Variants in CDKL5 observed in about 807,000 individuals in gnomAD.
CDKL5 encodes the protein cyclin dependent kinase like 5.
CDKL5 carries 8 observed loss-of-function variants against 61.7 expected under a neutral mutation model. The ratio of observed to expected loss-of-function variants is 0.13; its 90% CI spans 0.08 to 0.23. The LOEUF is 0.23. Among genes scored for constraint, CDKL5 ranks in the 10% least tolerant of loss-of-function variants. The probability of loss-of-function intolerance (pLI) is 1.00; values close to 1 mark genes in which losing one functional copy is unlikely to be tolerated. For missense variants in CDKL5, 440 were observed against 734.5 expected (o/e 0.60, Z 4.63); for synonymous variants, 275 against 272.3 (o/e 1.01, Z -0.10).
At chrX:18,610,216 A>T (rs1360590150) in intron 14 of CDKL5, among the ~76,000 whole-genome samples, 1 of 111,201 alleles carries the variant, frequency 9.0e-6, no homozygotes, top group Non-Finnish European at 1.9e-5. Context: ...CTCTCCAGCC[A>T]CTTTCTCCCC....
intron 3 of CDKL5, among the ~76,000 whole-genome samples, chrX:18,541,505 A>G (rs950300029): frequency 9.0e-6 from 1 of 111,004 alleles, no homozygotes; most frequent in African/African-American, 3.3e-5. Flanking sequence ...TTATTTTTCA[A>G]TTCATAAGGT....
rs1381451337 is a variant in CDKL5 at position 18,630,284 on chromosome X, C to T, written c.*1527C>T. 2 of 750,931 alleles carry T rather than the reference C, an allele frequency of 2.7e-6. No homozygotes were observed. Among genetic ancestry groups the T allele is most frequent in the East Asian group, 1.5e-4 (1 of 6,568 alleles). 61.9% of individuals were successfully genotyped at this position (750,931 alleles called of 1,213,427 possible). On this transcript the variant is annotated 3_prime_UTR_variant, in exon 18 of 18. Coordinates refer to ENST00000623535, the MANE Select transcript of CDKL5 (RefSeq NM_001323289.2). ...CCCAAGTATCATCAAACCCTTTGGCCATCAAGTGTTATCCTCCCATGCCTC... is the reference window on the plus strand; with the variant it reads ...CCCAAGTATCATCAAACCCTTTGGCTATCAAGTGTTATCCTCCCATGCCTC...
chrX:18,589,640 C>T (rs1925763399), intron 9 of CDKL5: 1 of 111,272 alleles, frequency 9.0e-6, no homozygotes, highest in Non-Finnish European at 1.9e-5. Flanking sequence ...ATTTATAATC[C>T]TTTATATACC....
chrX:18,445,234 C>T (rs765298565), intron 1 of CDKL5, among the ~76,000 whole-genome samples: 1 of 110,053 alleles, frequency 9.1e-6, no homozygotes, highest in African/African-American at 3.3e-5. Context: ...CACGCCACCA[C>T]GCCCTGCTAA....
intron 3 of CDKL5, among the ~76,000 whole-genome samples, chrX:18,512,648 A>G (rs1028701429): frequency 2.7e-5 from 3 of 111,086 alleles, no homozygotes; most frequent in African/African-American, 9.7e-5. Context: ...GTTCTTGATT[A>G]AGGATGATTA....
rs1316753981 is a variant in CDKL5, at chrX:18,449,818, C to T, written c.-163+24123C>T. On this transcript the variant is annotated intron_variant, in intron 1 of 17. Transcript: ENST00000623535. ...AATTCTTTTTTTTTTTTTTTGGAGACGGAGGCTCACTCTGTCTCCAGGCTG... is the reference window on the plus strand; with the variant it reads ...AATTCTTTTTTTTTTTTTTTGGAGATGGAGGCTCACTCTGTCTCCAGGCTG... 9.7e-5 allele frequency among the ~76,000 whole-genome samples: 10 copies of T among 102,574 alleles called. No homozygotes were observed. In the South Asian group the frequency reaches 1.4e-3, roughly 14 times the overall value. 89.1% of individuals were successfully genotyped at this position (102,574 alleles called of 115,157 possible). A position where few individuals can be genotyped will look rare whatever the true frequency, so the allele number is the denominator to read the frequency against.
At chrX:18,564,054 C>T (rs1924884178) in intron 3 of CDKL5, among the ~76,000 whole-genome samples, 2 of 111,529 alleles carry the variant, frequency 1.8e-5, no homozygotes, top group South Asian at 3.7e-4. Flanking sequence ...TGTTAGCATT[C>T]TGCTACCAGC....
chrX:18,564,426 G>A (rs1246365037), intron 3 of CDKL5, 51 bp from the exon 4 acceptor site: 1 of 928,021 alleles, frequency 1.1e-6, no homozygotes, highest in Admixed American at 2.2e-5. Context: ...GGAATCCCCA[G>A]TCGGAAAAAC....
chrX:18,512,162 C>G (rs142670506), intron 3 of CDKL5, among the ~76,000 whole-genome samples: 4 of 111,902 alleles, frequency 3.6e-5, no homozygotes, highest in Non-Finnish European at 5.6e-5. Context: ...GAAACTGTAA[C>G]AAACATTAGT....
At chrX:18,434,280 G>A (rs912238325) in intron 1 of CDKL5, among the ~76,000 whole-genome samples, 3 of 111,755 alleles carry the variant, frequency 2.7e-5, no homozygotes, top group Admixed American at 1.9e-4. Flanking sequence ...TTTGGAAAAT[G>A]TATCTAATTT....
Position 18,647,314 on chromosome X carries a change from G to C in CDKL5, c.2797+1224G>C. 1 of 1,211,080 alleles carries C rather than the reference G, an allele frequency of 8.3e-7. No homozygotes were observed. The highest frequency in any genetic ancestry group is 1.1e-6 in the Non-Finnish European group (1 of 895,241). ...GACCTCCCCTGACTCGAAACCCAGA[G>C]GCTTGTGATATGGGCATTCTGGGAA... On this transcript the variant is annotated intron_variant, in intron 20 of 21. Transcript: ENST00000379989.
chrX:18,465,156 A>G (rs1932372820), intron 1 of CDKL5, among the ~76,000 whole-genome samples: 1 of 111,374 alleles, frequency 9.0e-6, no homozygotes, highest in Non-Finnish European at 1.9e-5. Flanking sequence ...TAGCCAAATG[A>G]CAGTGTCATT....
chrX:18,492,889 C>T lies in CDKL5; in HGVS notation c.-162-14046C>T, dbSNP rs1489984289. Among the ~76,000 whole-genome samples, 15 of 111,588 alleles carry T rather than the reference C, an allele frequency of 1.3e-4. No individual in the cohort carries two copies. In the South Asian group the frequency reaches 3.0e-3, roughly 22 times the overall value. On this transcript the variant is annotated intron_variant, in intron 1 of 17. Coordinates refer to ENST00000623535, the MANE Select transcript of CDKL5 (RefSeq NM_001323289.2). ...CATACCACTCCCTGAATCCACCCCT[C>T]CTATTCTTGTTCAAAACCCTCCTGT... is the stretch of plus-strand genomic sequence containing the variant.
intron 12 of CDKL5, 84 bp from the exon 13 acceptor site, chrX:18,608,727 C>G: frequency 1.6e-6 from 1 of 625,353 alleles, no homozygotes; most frequent in Middle Eastern, 3.0e-4. Flanking sequence ...GGTTATGGTC[C>G]TAGTTCTACC....
chrX:18,510,759 G>A, intron 2 of CDKL5, 61 bp from the exon 3 acceptor site: 1 of 925,601 alleles, frequency 1.1e-6, no homozygotes, highest in Non-Finnish European at 1.6e-6. Flanking sequence ...AGCAATGTCA[G>A]TATAGCAGAG....
downstream of CDKL5, among the ~76,000 whole-genome samples, chrX:18,644,143 T>C (rs1447724787): frequency 1.8e-5 from 2 of 112,163 alleles, no homozygotes; most frequent in African/African-American, 3.2e-5. Context: ...TGAGTTGAAA[T>C]AGTCCAAATG....
rs529035051 is a variant in CDKL5 at position 18,548,178 on chromosome X, A to G, written c.100-16299A>G. On this transcript the variant is annotated intron_variant, in intron 3 of 17. Transcript: ENST00000623535. The stretch of plus-strand genomic sequence containing the variant: ...AGGGAAGGAATGTGAGCTGGTATTG[A>G]TAACGCTTGGTATTGAGGCGTGCCT... Among the ~76,000 whole-genome samples, 369 of 108,881 alleles carry G rather than the reference A, an allele frequency of 3.4e-3. 2 individuals carry two copies. The highest frequency in any genetic ancestry group is 0.033 in the Middle Eastern group (7 of 210). 94.6% of individuals were successfully genotyped at this position (108,881 alleles called of 115,157 possible).
At chrX:18,597,028 T>C (rs897909955) in intron 10 of CDKL5, among the ~76,000 whole-genome samples, 1 of 111,460 alleles carries the variant, frequency 9.0e-6, no homozygotes, top group African/African-American at 3.3e-5. Flanking sequence ...CTTTTTATAA[T>C]GTAAACATAT....
intron 3 of CDKL5, among the ~76,000 whole-genome samples, chrX:18,550,922 G>A (rs1198813723): frequency 8.9e-6 from 1 of 112,577 alleles, no homozygotes; most frequent in East Asian, 2.8e-4. Flanking sequence ...TGTGAATTTG[G>A]TGTAGACAAG....
Sources: allele counts gnomAD v4.1 joint callset (sites outside exome capture counted in the v4.1 genomes callset), GRCh38; gene constraint gnomAD v4.1.1; transcripts MANE v1.5; gene names NCBI Gene and HGNC (gene_info 2026-07-23, HGNC 2026-07-21).